PSMA2: variants seen among roughly 807,000 people sequenced by gnomAD.
PSMA2 encodes proteasome subunit alpha type-2.
PSMA2 carries 2 observed loss-of-function variants against 35.9 expected under a neutral mutation model. The observed-to-expected ratio is 0.06, with a 90% CI of 0.02 to 0.18. The LOEUF (loss-of-function observed/expected upper bound fraction) is 0.18, where lower values mean the gene tolerates loss of function less well. Ranked by LOEUF, PSMA2 falls within the 10% of genes least tolerant of loss-of-function variation. The probability of loss-of-function intolerance (pLI) is 1.00; values close to 1 mark genes in which losing one functional copy is unlikely to be tolerated. For missense variants in PSMA2, 126 were observed against 278.8 expected, an observed-to-expected ratio of 0.45 and a Z score of 3.90; for synonymous variants, 97 against 98.2, an observed-to-expected ratio of 0.99 and a Z score of 0.07.
At chr7:42,925,539 A>C (rs900023021) in intron 3 of PSMA2, among the ~76,000 whole-genome samples, 1 of 152,228 alleles carries the variant, frequency 6.6e-6, no homozygotes, top group Non-Finnish European at 1.5e-5. Context: ...AGTTTTCTCC[A>C]GTGCAGTTTA....
intron 1 of PSMA2, among the ~76,000 whole-genome samples, chr7:42,930,156 A>T (rs1378943060): frequency 6.6e-6 from 1 of 152,100 alleles, no homozygotes; most frequent in East Asian, 1.9e-4. Flanking sequence ...ATGAGAGGCT[A>T]GAAACAAATA....
chr7:42,919,277 CA>C (rs1338838021), intron 6 of PSMA2: 1 of 614,778 alleles, frequency 1.6e-6, no homozygotes, highest in Non-Finnish European at 3.2e-6. Flanking sequence ...GCAGCCACAG[CA>C]GCTGCAGATT....
intron 1 of PSMA2, among the ~76,000 whole-genome samples, chr7:42,929,460 A>G (rs902174777): frequency 6.6e-6 from 1 of 152,120 alleles, no homozygotes; most frequent in African/African-American, 2.4e-5. Flanking sequence ...GTACATACCT[A>G]TCTTTACCAC....
chr7:42,925,826 C>T (rs1786203758), intron 3 of PSMA2, among the ~76,000 whole-genome samples: 1 of 152,234 alleles, frequency 6.6e-6, no homozygotes, highest in South Asian at 2.1e-4. Flanking sequence ...TGCCTGATCA[C>T]ATTCCACTGA....
At chr7:42,917,903 C>T in intron 6 of PSMA2, 68 bp from the exon 7 acceptor site, 1 of 1,125,522 alleles carries the variant, frequency 8.9e-7, no homozygotes, top group Non-Finnish European at 1.3e-6. Context: ...AATACAATGA[C>T]AGCAACAACG....
At chr7:42,921,489 T>C (rs986809234) in intron 6 of PSMA2, 1 of 158,120 alleles carries the variant, frequency 6.3e-6, no homozygotes, top group Non-Finnish European at 1.4e-5. Flanking sequence ...TTTTTTACTG[T>C]CGTAAACTGT....
At chr7:42,931,091 C>T (rs1252493507) in intron 1 of PSMA2, 2 of 411,182 alleles carry the variant, frequency 4.9e-6, no homozygotes, top group Non-Finnish European at 4.8e-6. Context: ...AACTCAGCTA[C>T]TCACCGATGA....
At chr7:42,922,443 A>G (rs1480647081) in intron 5 of PSMA2, among the ~76,000 whole-genome samples, 1 of 152,150 alleles carries the variant, frequency 6.6e-6, no homozygotes, top group East Asian at 1.9e-4. Flanking sequence ...ACATAATCCA[A>G]TATGTTTTAA....
chr7:42,922,655 A>G (rs1329616437), intron 5 of PSMA2, among the ~76,000 whole-genome samples: 6 of 152,176 alleles, frequency 3.9e-5, no homozygotes, highest in Non-Finnish European at 1.5e-5. Flanking sequence ...AACAACCAAA[A>G]TATTTTTCTT....
rs1449440482 is a variant in PSMA2, at chr7:42,917,220, C to T, written c.*354G>A. ...CAGTCATGTTTTTTACCAAAATCAG[C>T]ATTTTGCTTTATGGAAACACAGGCA... On this transcript the variant is annotated 3_prime_UTR_variant, in exon 8 of 8. Coordinates refer to ENST00000223321, the MANE Select transcript of PSMA2 (RefSeq NM_002787.5). 1 of 177,182 alleles carries T rather than the reference C, an allele frequency of 5.6e-6. No homozygotes were observed. The highest frequency in any genetic ancestry group is 1.2e-5 in the Non-Finnish European group (1 of 83,890). The allele number at this position is 177,182 out of a possible 1,614,324, so 11.0% of individuals were successfully genotyped here.
chr7:42,930,886 T>A (rs1786296463), intron 1 of PSMA2, among the ~76,000 whole-genome samples: 1 of 152,146 alleles, frequency 6.6e-6, no homozygotes. Context: ...CACACACTAT[T>A]CTGTCATATG....
intron 5 of PSMA2, 25 bp from the exon 6 acceptor site, chr7:42,921,956 A>C: frequency 6.3e-7 from 1 of 1,580,516 alleles, no homozygotes. Flanking sequence ...AAGAGTAAAA[A>C]ACCATATTTT....
At chr7:42,931,578 G>A (rs1252956714) in intron 1 of PSMA2, among the ~76,000 whole-genome samples, 2 of 151,948 alleles carry the variant, frequency 1.3e-5, no homozygotes. Context: ...TCGGTTTTTA[G>A]TCCTTATGTT....
Position 42,932,108 on chromosome 7 carries a change from C to T in PSMA2, c.41+10G>A. On this transcript the variant is annotated intron_variant, in intron 1 of 7. Transcript: ENST00000223321. ...GACTACGCTGAAGACCTCGAGGGCC[C>T]CTTCCATACCTGAATGTAGTCAGCG... The T allele has an allele frequency of 6.2e-7, 1 of 1,614,200 alleles. No individual in the cohort carries two copies. The highest frequency in any genetic ancestry group is 2.2e-5 in the East Asian group (1 of 44,882).
At chr7:42,918,971 G>A (rs640456) in intron 6 of PSMA2, 168,372 of 199,458 alleles carry the variant, frequency 0.84, 71,403 homozygotes, top group East Asian at 0.89. Flanking sequence ...TTACAGGCGC[G>A]CGCTATCACT....
chr7:42,925,590 A>T (rs1271367318), intron 3 of PSMA2, among the ~76,000 whole-genome samples: 2 of 152,224 alleles, frequency 1.3e-5, no homozygotes, highest in Non-Finnish European at 2.9e-5. Flanking sequence ...TGTCTCTTAA[A>T]ATTTTTTTTC....
At chr7:42,924,353 CAAAAAAAAAAAAAA>C (rs58198756) in intron 4 of PSMA2, among the ~76,000 whole-genome samples, 4 of 69,422 alleles carry the variant, frequency 5.8e-5, no homozygotes, top group Middle Eastern at 0.014. Flanking sequence ...GACTCTGACT[CAAAAAAAAAAAAAA>C]AAAAAAAAAA....
At chr7:42,929,012 A>G (rs758096540) in intron 1 of PSMA2, among the ~76,000 whole-genome samples, 3 of 151,852 alleles carry the variant, frequency 2.0e-5, no homozygotes, top group Non-Finnish European at 4.4e-5. Flanking sequence ...GGGTCTTGCT[A>G]TGCTGCCCAG....
chr7:42,928,319 G>A (rs1786245198), intron 1 of PSMA2, among the ~76,000 whole-genome samples: 1 of 152,208 alleles, frequency 6.6e-6, no homozygotes, highest in African/African-American at 2.4e-5. Flanking sequence ...TTAAGAACAT[G>A]TATGTGTCTG....
Sources: gnomAD v4.1 joint callset for allele counts (sites outside exome capture counted in the v4.1 genomes callset) on GRCh38, gnomAD v4.1.1 for gene constraint, MANE v1.5 for transcripts, NCBI Gene and HGNC (gene_info 2026-07-23, HGNC 2026-07-21) for gene names.